Variants in UHRF1 observed in about 807,000 individuals in gnomAD.
UHRF1 encodes the protein E3 ubiquitin-protein ligase UHRF1.
In UHRF1, 9 loss-of-function variants were observed where a neutral mutation model predicts 96.5. That is an observed-to-expected ratio of 0.09 (90% CI 0.06 to 0.16). The LOEUF (loss-of-function observed/expected upper bound fraction) is 0.16. Among genes scored for constraint, UHRF1 ranks in the 10% least tolerant of loss-of-function variants. The pLI, the probability that UHRF1 is intolerant of heterozygous loss-of-function variation, is 1.00. For missense variants in UHRF1, 626 were observed against 1,131.1 expected (o/e 0.55, Z 6.40); for synonymous variants, 455 against 469.9 (o/e 0.97, Z 0.41).
rs2033810221 is a variant in UHRF1, at chr19:4,954,714, C to T, written c.2022C>T (p.Tyr674=). ...RTSKKTKVEP[Y]SLTAQQSSLI... Reference sequence around the variant, plus strand: ...CCAAGAAAACCAAGGTGGAGCCCTACAGTCTCACGGCCCAGCAGAGCAGCC... The same window carrying T: ...CCAAGAAAACCAAGGTGGAGCCCTATAGTCTCACGGCCCAGCAGAGCAGCC... Residue 674 remains tyrosine (Y), a synonymous_variant, in exon 15 of 17, where the codon TAC becomes TAT. Transcript: ENST00000650932. The surrounding 1 kb of genome is among the most constrained non-coding windows in gnomAD (Gnocchi z 5.9). 2.5e-6 allele frequency: 4 copies of T among 1,613,784 alleles called. No individual in the cohort carries two copies. The highest frequency in any genetic ancestry group is 3.4e-6 in the Non-Finnish European group (4 of 1,179,826).
At chr19:4,909,278 C>A, upstream of UHRF1, 2 of 531,768 alleles carry the variant, frequency 3.8e-6, no homozygotes. Context: ...GGCCCTGCCA[C>A]GCAGCCCCTT....
chr19:4,941,310 C>T (rs369864450), intron 5 of UHRF1, among the ~76,000 whole-genome samples: 3 of 151,812 alleles, frequency 2.0e-5, no homozygotes, highest in East Asian at 1.9e-4. Flanking sequence ...AGGCTGGTCT[C>T]GAACTCCTGA....
chr19:4,922,710 A>G (rs1045098691), intron 2 of UHRF1, among the ~76,000 whole-genome samples: 3 of 152,260 alleles, frequency 2.0e-5, no homozygotes, highest in Admixed American at 6.5e-5. Flanking sequence ...CCTTTCTGCA[A>G]TGTTCCAGAA....
At position 4,954,293 on chromosome 19, in the gene UHRF1, TC is replaced by T; in HGVS notation, c.1819-56del. On this transcript the variant is annotated intron_variant, in intron 13 of 16. Transcript: ENST00000650932. The surrounding 1 kb of genome is among the most constrained non-coding windows in gnomAD (Gnocchi z 5.9). The stretch of plus-strand genomic sequence containing the variant: ...TGGCAAGGAGGCTGGAAGAGCGGGC[TC>T]TGCATAGCGTGTGGGCCCCAAGCCT... The T allele has an allele frequency of 6.3e-7, 1 of 1,586,326 alleles. No homozygotes were observed. Among genetic ancestry groups the T allele is most frequent in the Non-Finnish European group, 8.6e-7 (1 of 1,167,206 alleles).
rs1273581494 is a variant in UHRF1, at chr19:4,930,812, C to T, written c.505C>T (p.Pro169Ser). The T allele has an allele frequency of 6.2e-7, 1 of 1,613,980 alleles. No individual in the cohort carries two copies. The highest frequency in any genetic ancestry group is 8.5e-7 in the Non-Finnish European group (1 of 1,179,882). ...VTRKAPSRDEPCSSTSRPALE... is the reference protein window; with the variant it reads ...VTRKAPSRDESCSSTSRPALE... ...GCGGAAGGCCCCCTCCCGGGACGAG[C>T]CCTGCAGCTCCACGTCCAGGCCGGC... The change falls in exon 4 of 17, where the codon CCC becomes TCC. Residue 169 changes from proline (P) to serine (S), a missense_variant. Pro to Ser is a moderately conservative substitution (Grantham distance 74). This residue lies in a region of UHRF1 where 198 missense variants were observed against 235.1 expected (regional missense o/e 0.84). Coordinates refer to ENST00000650932, the MANE Select transcript of UHRF1 (RefSeq NM_001048201.3). This position sits in a 1 kb window ranked among gnomAD's most constrained non-coding sequence, Gnocchi z 4.4.
intron 13 of UHRF1, among the ~76,000 whole-genome samples, chr19:4,952,009 G>A (rs1050804146): frequency 1.2e-4 from 19 of 152,192 alleles, no homozygotes; most frequent in Admixed American, 1.0e-3. Flanking sequence ...GGATTTGTAC[G>A]GTGGGGAATT....
chr19:4,906,378 G>C (rs141152108), upstream of UHRF1, among the ~76,000 whole-genome samples: 18 of 152,270 alleles, frequency 1.2e-4, no homozygotes, highest in Admixed American at 4.6e-4. Context: ...TTTCTGCAGG[G>C]AGGGCTAGAT....
At position 4,903,122 on chromosome 19, in the gene UHRF1, G is replaced by A. The variant is rs139322588; in HGVS notation, c.-534G>A. 2,100 of 365,652 alleles carry A rather than the reference G, an allele frequency of 5.7e-3. 33 individuals are homozygous for A. Among genetic ancestry groups the A allele is most frequent in the African/African-American group, 0.038 (1,834 of 47,944 alleles). 22.7% of individuals were successfully genotyped at this position (365,652 alleles called of 1,614,324 possible). ...GCTCACTGCAACCTCCGCCTCATGG[G>A]TTCAAGCAATTCTCCTGCCTCAGCC... On this transcript the variant is annotated 5_prime_UTR_variant, in exon 1 of 17. Coordinates refer to the UHRF1 transcript ENST00000612630.
chr19:4,908,493 A>G (rs191800195), upstream of UHRF1, among the ~76,000 whole-genome samples: 64 of 152,042 alleles, frequency 4.2e-4, no homozygotes, highest in Middle Eastern at 6.8e-3. Flanking sequence ...GTGGGCCCCA[A>G]CCACACCAGC....
chr19:4,933,137 C>A (rs1248645677), intron 5 of UHRF1, among the ~76,000 whole-genome samples, 181 bp downstream of exon 5: 2 of 152,242 alleles, frequency 1.3e-5, no homozygotes, highest in African/African-American at 4.8e-5. Flanking sequence ...CTTTCTAAGA[C>A]CGACCACCTT....
Position 4,938,730 on chromosome 19 carries a change from GTTTTTT to G in UHRF1, c.786-2772_786-2767del, listed in dbSNP as rs71170880. Reference sequence around the variant, plus strand: ...GGCATAAGAGTTTTGTTTTGGTCAGGTTTTTTTTTTTTTTTTTTTTTTTTTTTTTTT... The same window carrying G: ...GGCATAAGAGTTTTGTTTTGGTCAGGTTTTTTTTTTTTTTTTTTTTTTTTT... On this transcript the variant is annotated intron_variant, in intron 5 of 16. Transcript: ENST00000650932. 4.1e-3 allele frequency among the ~76,000 whole-genome samples: 252 copies of G among 61,572 alleles called. 3 individuals carry two copies. The highest frequency in any genetic ancestry group is 0.016 in the African/African-American group (226 of 14,054). 40.4% of individuals were successfully genotyped at this position (61,572 alleles called of 152,430 possible). A position where few individuals can be genotyped will look rare whatever the true frequency, so the allele number is the denominator to read the frequency against.
In UHRF1 at chr19:4,932,792, C is replaced by T. The variant is rs1391204595; in HGVS notation, c.621C>T (p.Arg207=). The T allele has an allele frequency of 5.0e-6, 8 of 1,613,768 alleles. No homozygotes were observed. The East Asian group carries it at 6.7e-5, about 13-fold the overall frequency. Residue 207 remains arginine (R), a synonymous_variant, in exon 5 of 17, where the codon CGC becomes CGT. Transcript: ENST00000650932. ...TGAACTCCAGGGACGTCCGAGCGCGCGCCCGCACCATCATCAAGTGGCAGG... is the reference window on the plus strand; with the variant it reads ...TGAACTCCAGGGACGTCCGAGCGCGTGCCCGCACCATCATCAAGTGGCAGG... The part of the protein sequence containing the change: ...VQMNSRDVRA[R]ARTIIKWQDL...
chr19:4,909,852 T>G (rs1280910854), intron 1 of UHRF1, 197 bp downstream of exon 1: 9 of 385,602 alleles, frequency 2.3e-5, no homozygotes, highest in Non-Finnish European at 4.1e-5. Context: ...GGACCAGCGC[T>G]GCGTCCCCGG....
At chr19:4,920,642 C>A (rs1208207809) in intron 2 of UHRF1, among the ~76,000 whole-genome samples, 1 of 152,162 alleles carries the variant, frequency 6.6e-6, no homozygotes, top group Non-Finnish European at 1.5e-5. Context: ...GAACCCCAAA[C>A]TCCTGGGCTC....
chr19:4,915,244 G>T (rs73532681), intron 2 of UHRF1, among the ~76,000 whole-genome samples: 3,154 of 152,258 alleles, frequency 0.021, 115 homozygotes, highest in African/African-American at 0.072. Flanking sequence ...TCTGCGGGAG[G>T]GAGGGTCCCC....
At chr19:4,941,970 C>G in intron 7 of UHRF1, 39 bp downstream of exon 7, 1 of 1,442,736 alleles carries the variant, frequency 6.9e-7, no homozygotes. Flanking sequence ...GACCAGAGCG[C>G]CCCCTACAAA....
rs1244071586 is a variant in UHRF1, at chr19:4,946,114, C to T, written c.1410+149C>T. 3 of 607,212 alleles carry T rather than the reference C, an allele frequency of 4.9e-6. No homozygotes were observed. The African/African-American group carries it at 5.7e-5, about 12-fold the overall frequency. The allele number at this position is 607,212 out of a possible 1,614,324, so 37.6% of individuals were successfully genotyped here. A position where few individuals can be genotyped will look rare whatever the true frequency, so the allele number is the denominator to read the frequency against. ...TATATTCCCATTGCTATGCAACCAT[C>T]ACCACCACCATCTCCAGAACTTTCT... On this transcript the variant is annotated intron_variant, in intron 10 of 16. Transcript: ENST00000650932.
At chr19:4,956,534 C>T (rs910054012) in intron 15 of UHRF1, among the ~76,000 whole-genome samples, 175 bp from the exon 16 acceptor site, 1 of 152,198 alleles carries the variant, frequency 6.6e-6, no homozygotes, top group Non-Finnish European at 1.5e-5. Context: ...AGGTGAGGCT[C>T]ATGCCTGTTG....
chr19:4,954,542 G>T lies in UHRF1; in HGVS notation c.1957+54G>T. On this transcript the variant is annotated intron_variant, in intron 14 of 16. Coordinates refer to ENST00000650932, the MANE Select transcript of UHRF1 (RefSeq NM_001048201.3). This position sits in a 1 kb window ranked among gnomAD's most constrained non-coding sequence, Gnocchi z 5.9. ...GTCTTGTGTGTGGGGGAGCAGGTGG[G>T]CATCTCGCGGGTGTGGGGTTGAGGT... is the stretch of plus-strand genomic sequence containing the variant. 1.3e-6 allele frequency: 2 copies of T among 1,583,820 alleles called. No homozygotes were observed. Among genetic ancestry groups the T allele is most frequent in the South Asian group, 1.2e-5 (1 of 86,764 alleles).
Sources: allele counts gnomAD v4.1 joint callset (sites outside exome capture counted in the v4.1 genomes callset), GRCh38; gene constraint gnomAD v4.1.1; regional missense constraint gnomAD v4.1.1; non-coding constraint Gnocchi (gnomAD v3.1); transcripts MANE v1.5; gene names NCBI Gene and HGNC (gene_info 2026-07-23, HGNC 2026-07-21).